Variants in WWC2 observed in about 807,000 individuals in gnomAD.
The protein encoded by WWC2 is WW and C2 domain containing 2.
Under a neutral mutation model 138.5 loss-of-function variants are expected in WWC2, and 101 were observed. That is an observed-to-expected ratio of 0.73 (90% CI 0.62 to 0.86). The LOEUF is 0.86. Ranked by LOEUF, WWC2 falls within the 40% of genes least tolerant of loss-of-function variation. The pLI, the probability that WWC2 is intolerant of heterozygous loss-of-function variation, is 0.00. For synonymous variants in WWC2, 558 were observed against 538.4 expected, an observed-to-expected ratio of 1.04 and a Z score of -0.50; for missense variants, 1,420 against 1,419.4, an observed-to-expected ratio of 1.00 and a Z score of -0.01.
At chr4:183,250,376 A>G (rs565799094) in intron 8 of WWC2, among the ~76,000 whole-genome samples, 4 of 152,330 alleles carry the variant, frequency 2.6e-5, no homozygotes, top group African/African-American at 9.6e-5. Flanking sequence ...GAGGAGTTCT[A>G]AGGCAAATAA....
intron 1 of WWC2, among the ~76,000 whole-genome samples, chr4:183,111,999 G>T (rs1732247103): frequency 6.6e-6 from 1 of 152,002 alleles, no homozygotes. Flanking sequence ...CGCCCAGCCA[G>T]ATCATTTACT....
chr4:183,179,057 A>C (rs1037392065), intron 1 of WWC2, among the ~76,000 whole-genome samples: 4 of 152,360 alleles, frequency 2.6e-5, no homozygotes, highest in African/African-American at 9.6e-5. Flanking sequence ...CATAAAACAA[A>C]ATTTAAAAAA....
chr4:183,317,354 C>A lies in WWC2; in HGVS notation c.*1625C>A, dbSNP rs1315947879. On this transcript the variant is annotated 3_prime_UTR_variant, in exon 23 of 23. Transcript: ENST00000403733. ...TTTTTCCTAAATGTCCCAACACTTA[C>A]ATACAAATTTCTTTGAAGACATAAC... 2 of 152,478 alleles carry A rather than the reference C, an allele frequency of 1.3e-5. No homozygotes were observed. Among genetic ancestry groups the A allele is most frequent in the Non-Finnish European group, 2.9e-5 (2 of 68,032 alleles). 9.4% of individuals were successfully genotyped at this position (152,478 alleles called of 1,614,324 possible).
At chr4:183,253,668 C>T in intron 8 of WWC2, 89 bp from the exon 9 acceptor site, 1 of 1,487,870 alleles carries the variant, frequency 6.7e-7, no homozygotes, top group Non-Finnish European at 9.0e-7. Context: ...ATCTGGACAG[C>T]ATGTCAACAC....
intron 6 of WWC2, among the ~76,000 whole-genome samples, chr4:183,245,758 G>A (rs983340006): frequency 2.6e-5 from 4 of 152,130 alleles, no homozygotes; most frequent in Non-Finnish European, 5.9e-5. Flanking sequence ...GGTATGCTTC[G>A]TTGTAAGCAG....
At chr4:183,247,357 A>G (rs1429203484) in intron 6 of WWC2, among the ~76,000 whole-genome samples, 1 of 151,768 alleles carries the variant, frequency 6.6e-6, no homozygotes, top group East Asian at 1.9e-4. Context: ...GAGTTTGAAG[A>G]ACACTGACTT....
chr4:183,171,848 G>C (rs1734294227), intron 1 of WWC2, among the ~76,000 whole-genome samples: 1 of 152,152 alleles, frequency 6.6e-6, no homozygotes, highest in Non-Finnish European at 1.5e-5. Flanking sequence ...TTCCCGCCCT[G>C]GTTGAGGATT....
chr4:183,113,773 T>G (rs1172336559), intron 1 of WWC2, among the ~76,000 whole-genome samples: 1 of 152,022 alleles, frequency 6.6e-6, no homozygotes, highest in African/African-American at 2.4e-5. Context: ...ACAGATTTTT[T>G]TTTTTTTTTT....
chr4:183,159,947 A>G (rs1259326539), intron 1 of WWC2, among the ~76,000 whole-genome samples: 1 of 152,124 alleles, frequency 6.6e-6, no homozygotes, highest in Non-Finnish European at 1.5e-5. Flanking sequence ...ATTTTTGAGC[A>G]GGTATTGGAA....
chr4:183,117,107 T>C (rs1732436136), intron 1 of WWC2, among the ~76,000 whole-genome samples: 1 of 152,052 alleles, frequency 6.6e-6, no homozygotes. Flanking sequence ...TTACACCACC[T>C]ACACTTCTGC....
intron 2 of WWC2, among the ~76,000 whole-genome samples, chr4:183,200,177 C>A (rs1165943344): frequency 6.6e-6 from 1 of 152,138 alleles, no homozygotes; most frequent in African/African-American, 2.4e-5. Flanking sequence ...CTATCCAAGA[C>A]AAATGCTGAT....
chr4:183,291,054 C>T (rs957717534), intron 21 of WWC2, among the ~76,000 whole-genome samples: 2 of 152,208 alleles, frequency 1.3e-5, no homozygotes, highest in East Asian at 1.9e-4. Context: ...TCAGTAGGAC[C>T]GGTGTTTGCT....
intron 1 of WWC2, among the ~76,000 whole-genome samples, chr4:183,134,427 A>G (rs1340099040): frequency 6.6e-6 from 1 of 151,848 alleles, no homozygotes; most frequent in Non-Finnish European, 1.5e-5. Context: ...ATTGTGCTTT[A>G]CTTGAATCTC....
intron 15 of WWC2, chr4:183,270,093 A>G (rs1204015805): frequency 6.6e-6 from 1 of 152,248 alleles, no homozygotes; most frequent in Non-Finnish European, 1.5e-5. Flanking sequence ...TACTTGAAAA[A>G]AATATCTGAT....
At chr4:183,188,463 C>G (rs2111199455) in intron 1 of WWC2, among the ~76,000 whole-genome samples, 1 of 152,006 alleles carries the variant, frequency 6.6e-6, no homozygotes, top group South Asian at 2.1e-4. Context: ...GTCTTGAACT[C>G]CTGACCTTAA....
At chr4:183,248,224 C>G (rs527504972) in intron 6 of WWC2, among the ~76,000 whole-genome samples, 2 of 152,294 alleles carry the variant, frequency 1.3e-5, no homozygotes, top group East Asian at 3.9e-4. Flanking sequence ...TTCCTAATCC[C>G]TAACATTGAT....
chr4:183,225,116 T>C (rs1736035247), intron 4 of WWC2, among the ~76,000 whole-genome samples: 1 of 152,244 alleles, frequency 6.6e-6, no homozygotes, highest in Non-Finnish European at 1.5e-5. Flanking sequence ...AGAAACTCTT[T>C]TTGTAAAATG....
intron 1 of WWC2, among the ~76,000 whole-genome samples, chr4:183,189,544 T>G (rs1734930464): frequency 6.6e-6 from 1 of 152,184 alleles, no homozygotes; most frequent in Non-Finnish European, 1.5e-5. Flanking sequence ...TGCTTTAAAA[T>G]TCAAGTTGTG....
chr4:183,101,481 C>T (rs1743178989), intron 1 of WWC2, among the ~76,000 whole-genome samples: 1 of 152,170 alleles, frequency 6.6e-6, no homozygotes, highest in Non-Finnish European at 1.5e-5. Flanking sequence ...ATTTTCCTTG[C>T]AGCTGTTAGG....
Sources: gnomAD v4.1 joint callset for allele counts (sites outside exome capture counted in the v4.1 genomes callset) on GRCh38, gnomAD v4.1.1 for gene constraint, MANE v1.5 for transcripts, NCBI Gene and HGNC (gene_info 2026-07-23, HGNC 2026-07-21) for gene names.